The following LINGO2 variants were observed in gnomAD, a reference collection of about 807,000 sequenced individuals.
LINGO2 encodes leucine rich repeat and Ig domain containing 2.
In LINGO2, 14 loss-of-function variants were observed where a neutral mutation model predicts 30.6. That is an observed-to-expected ratio of 0.46 (90% CI 0.30 to 0.72). The LOEUF (loss-of-function observed/expected upper bound fraction) is 0.72, where lower values mean the gene tolerates loss of function less well. Ranked by LOEUF, LINGO2 falls within the 30% of genes least tolerant of loss-of-function variation. The pLI is 0.07. For missense variants in LINGO2, 729 were observed against 751.7 expected, an observed-to-expected ratio of 0.97 and a Z score of 0.35; for synonymous variants, 317 against 288.5, an observed-to-expected ratio of 1.10 and a Z score of -1.00.
chr9:28,842,809 C>A, the LINGO2 span, among the ~76,000 whole-genome samples: 2 of 151,796 alleles, frequency 1.3e-5, no homozygotes, highest in African/African-American at 4.9e-5. Context: ...AATTCTAAAT[C>A]TTCAACACTA....
At chr9:29,197,137 T>C in the LINGO2 span, among the ~76,000 whole-genome samples, 1 of 152,080 alleles carries the variant, frequency 6.6e-6, no homozygotes, top group Admixed American at 6.6e-5. Context: ...TATGTAATAG[T>C]AGTCACACTC....
At chr9:28,347,488 C>T (rs573686495) in intron 3 of LINGO2, among the ~76,000 whole-genome samples, 1 of 152,164 alleles carries the variant, frequency 6.6e-6, no homozygotes, top group South Asian at 2.1e-4. Context: ...GTTGTCAATA[C>T]AATCCATCAA....
the LINGO2 span, among the ~76,000 whole-genome samples, chr9:28,798,579 G>A: frequency 6.6e-6 from 1 of 152,034 alleles, no homozygotes; most frequent in African/African-American, 2.4e-5. Flanking sequence ...GAAGAGGGAG[G>A]AAGGAAAGTA....
At chr9:27,990,135 T>C (rs188164572) in intron 5 of LINGO2, among the ~76,000 whole-genome samples, 178 of 152,182 alleles carry the variant, frequency 1.2e-3, no homozygotes, top group African/African-American at 4.0e-3. Flanking sequence ...CTGATCTTTT[T>C]ACACATACAT....
At chr9:28,103,061 T>C (rs1563976148) in intron 4 of LINGO2, among the ~76,000 whole-genome samples, 1 of 152,138 alleles carries the variant, frequency 6.6e-6, no homozygotes, top group Non-Finnish European at 1.5e-5. Flanking sequence ...CAAAACATAC[T>C]TATATATAGG....
chr9:28,256,440 A>G (rs1159470491), intron 4 of LINGO2, among the ~76,000 whole-genome samples: 1 of 151,970 alleles, frequency 6.6e-6, no homozygotes, highest in Non-Finnish European at 1.5e-5. Context: ...GCCAGATAGG[A>G]AAGTTTTCTG....
At chr9:28,626,826 T>G (rs10968689) in intron 1 of LINGO2, among the ~76,000 whole-genome samples, 90 of 150,618 alleles carry the variant, frequency 6.0e-4, no homozygotes, top group African/African-American at 1.7e-3. Context: ...AAAAATTCTA[T>G]TGTGTGTGTG....
the LINGO2 span, among the ~76,000 whole-genome samples, chr9:28,758,162 C>T: frequency 9.2e-5 from 14 of 152,048 alleles, no homozygotes; most frequent in Admixed American, 8.5e-4. Context: ...ATTATGATTG[C>T]TTACCTGTTC....
Position 28,149,217 on chromosome 9 carries a change from G to A in LINGO2, c.-86-136812C>T, listed in dbSNP as rs535161714. 2.1e-4 allele frequency: 233 copies of A among 1,087,902 alleles called. 3 individuals carry two copies. The South Asian group carries it at 2.2e-3, about 10-fold the overall frequency. The allele number at this position is 1,087,902 out of a possible 1,614,324, so 67.4% of individuals were successfully genotyped here. On this transcript the variant is annotated intron_variant, in intron 4 of 5. Coordinates refer to ENST00000379992, the Ensembl canonical transcript of LINGO2. The stretch of plus-strand genomic sequence containing the variant: ...AGAAAGAAGAGATGGTAGGGCAGGC[G>A]TGGTGGCCCACGCCTGTAATCAAGC...
the LINGO2 span, among the ~76,000 whole-genome samples, chr9:28,750,320 A>G: frequency 6.6e-6 from 1 of 152,168 alleles, no homozygotes; most frequent in Non-Finnish European, 1.5e-5. Flanking sequence ...TGTAGGAATC[A>G]TGTGGCGTAA....
At chr9:28,995,361 C>A in the LINGO2 span, among the ~76,000 whole-genome samples, 1 of 152,172 alleles carries the variant, frequency 6.6e-6, no homozygotes, top group Non-Finnish European at 1.5e-5. Context: ...ATTAAAAAGT[C>A]AGGAAACAAC....
At chr9:28,296,126 A>G (rs1022696612) in intron 3 of LINGO2, among the ~76,000 whole-genome samples, 1 of 152,234 alleles carries the variant, frequency 6.6e-6, no homozygotes, top group Admixed American at 6.5e-5. Context: ...GTTTATGTCC[A>G]TGAATAAATA....
At chr9:27,956,917 A>T in intron 5 of LINGO2, among the ~76,000 whole-genome samples, 1 of 152,064 alleles carries the variant, frequency 6.6e-6, no homozygotes, top group East Asian at 1.9e-4. Flanking sequence ...ACAGAGCAAG[A>T]TCTCATATCT....
At chr9:28,754,220 C>T in the LINGO2 span, among the ~76,000 whole-genome samples, 2 of 152,038 alleles carry the variant, frequency 1.3e-5, no homozygotes, top group East Asian at 3.9e-4. Context: ...ATTTAATTCT[C>T]ACCTTCTTCC....
the LINGO2 span, among the ~76,000 whole-genome samples, chr9:29,198,105 G>A: frequency 6.6e-6 from 1 of 152,138 alleles, no homozygotes; most frequent in African/African-American, 2.4e-5. Flanking sequence ...ATTTATAAAT[G>A]GCTTAAAAAA....
intron 5 of LINGO2, among the ~76,000 whole-genome samples, chr9:27,969,156 A>T (rs1820239041): frequency 6.6e-6 from 1 of 152,068 alleles, no homozygotes; most frequent in African/African-American, 2.4e-5. Flanking sequence ...GAAAGAGCAG[A>T]TAGAGTATAA....
chr9:27,959,562 G>C (rs1189274161), intron 5 of LINGO2, among the ~76,000 whole-genome samples: 3 of 151,896 alleles, frequency 2.0e-5, no homozygotes, highest in African/African-American at 7.3e-5. Flanking sequence ...GGATTTAGTT[G>C]GTTTATTCTT....
chr9:29,085,305 A>AAG, the LINGO2 span, among the ~76,000 whole-genome samples: 1 of 127,794 alleles, frequency 7.8e-6, no homozygotes, highest in Non-Finnish European at 1.7e-5. Context: ...AAAAAAAAAA[A>AAG]AAAAAAGAAT....
chr9:28,888,794 C>G, the LINGO2 span: 1 of 500,954 alleles, frequency 2.0e-6, no homozygotes, highest in Non-Finnish European at 4.1e-6. Flanking sequence ...AACTTATACT[C>G]AGAACTTGGA....
Sources: gnomAD v4.1 joint callset for allele counts (sites outside exome capture counted in the v4.1 genomes callset) on GRCh38, gnomAD v4.1.1 for gene constraint, MANE v1.5 for transcripts, NCBI Gene and HGNC (gene_info 2026-07-23, HGNC 2026-07-21) for gene names.